The following TRHDE variants were observed in gnomAD, a reference collection of about 807,000 sequenced individuals.
TRHDE encodes the protein thyrotropin-releasing hormone-degrading ectoenzyme.
In TRHDE, 72 loss-of-function variants were observed where a neutral mutation model predicts 125.7. The observed-to-expected ratio is 0.57, with a 90% CI of 0.47 to 0.70. TRHDE has a LOEUF of 0.70. Among genes scored for constraint, TRHDE ranks in the 30% least tolerant of loss-of-function variants. The pLI is 0.00. For synonymous variants in TRHDE, 509 were observed against 509.1 expected (o/e 1.00, Z 0.00); for missense variants, 1,110 against 1,327.1 (o/e 0.84, Z 2.54).
At chr12:72,198,272 A>G (rs1370447963) in intron 2 of TRHDE, among the ~76,000 whole-genome samples, 1 of 152,134 alleles carries the variant, frequency 6.6e-6, no homozygotes, top group Non-Finnish European at 1.5e-5. Flanking sequence ...ATGAACAATT[A>G]TGTACAAGTT....
intron 2 of TRHDE, among the ~76,000 whole-genome samples, chr12:72,291,705 T>G (rs995424004): frequency 1.5e-4 from 23 of 152,226 alleles, no homozygotes; most frequent in Non-Finnish European, 3.2e-4. Flanking sequence ...TACACTGTAT[T>G]GGGTATTGTA....
rs1219141256 is a variant in TRHDE at position 72,438,488 on chromosome 12, T to G, written c.1316-31270T>G. ...CCATTCTAAGAGGTATGAGATGGTATCTCATTGAGATTTTAATTTTCCTGA... is the reference window on the plus strand; with the variant it reads ...CCATTCTAAGAGGTATGAGATGGTAGCTCATTGAGATTTTAATTTTCCTGA... On this transcript the variant is annotated intron_variant, in intron 3 of 18. Transcript: ENST00000261180. 5.9e-5 allele frequency among the ~76,000 whole-genome samples: 9 copies of G among 151,998 alleles called. No homozygotes were observed. The South Asian group carries it at 1.9e-3, about 32-fold the overall frequency.
In TRHDE at chr12:72,272,600, CG is replaced by C. The variant is rs1218922706; in HGVS notation, c.-38del. 1.4e-5 allele frequency: 11 copies of C among 803,416 alleles called. No homozygotes were observed. Among genetic ancestry groups the C allele is most frequent in the Admixed American group, 3.1e-5 (1 of 32,342 alleles). 49.8% of individuals were successfully genotyped at this position (803,416 alleles called of 1,614,324 possible). ...GGCTGTGGCCCGGGTGGCCCGCCCG[CG>C]GGGGGTGCCAGAGGGGGCGGGGGAG... On this transcript the variant is annotated 5_prime_UTR_variant, in exon 1 of 19. Transcript: ENST00000261180. This position sits in a 1 kb window ranked among gnomAD's most constrained non-coding sequence, Gnocchi z 6.7.
intron 12 of TRHDE, among the ~76,000 whole-genome samples, chr12:72,606,540 C>T (rs1246957451): frequency 6.6e-6 from 1 of 152,106 alleles, no homozygotes; most frequent in East Asian, 1.9e-4. Flanking sequence ...AATACTGTTT[C>T]CCCCATTTTA....
chr12:72,624,030 CT>C (rs1235616845), intron 15 of TRHDE, among the ~76,000 whole-genome samples: 1 of 151,964 alleles, frequency 6.6e-6, no homozygotes, highest in Non-Finnish European at 1.5e-5. Flanking sequence ...GAAATTAACT[CT>C]GTTTACTAAG....
intron 5 of TRHDE, among the ~76,000 whole-genome samples, chr12:72,487,475 G>A (rs1283374220): frequency 3.3e-5 from 5 of 151,860 alleles, no homozygotes; most frequent in African/African-American, 7.3e-5. Context: ...AGGAAAGAAC[G>A]GGATGATATT....
intron 2 of TRHDE, among the ~76,000 whole-genome samples, chr12:72,176,212 C>T (rs571203540): frequency 6.6e-6 from 1 of 152,252 alleles, no homozygotes; most frequent in East Asian, 1.9e-4. Context: ...AGAGGCCAAA[C>T]TCCCCCAAAT....
At chr12:72,340,457 T>C (rs1301545323) in intron 2 of TRHDE, among the ~76,000 whole-genome samples, 1 of 152,174 alleles carries the variant, frequency 6.6e-6, no homozygotes, top group Non-Finnish European at 1.5e-5. Context: ...CAGATTAGAT[T>C]TAGCTGCATA....
intron 5 of TRHDE, among the ~76,000 whole-genome samples, chr12:72,477,228 A>C (rs879351458): frequency 6.6e-6 from 1 of 152,192 alleles, no homozygotes; most frequent in Non-Finnish European, 1.5e-5. Flanking sequence ...TGAAAGCTCT[A>C]TTAGAAAAGT....
At chr12:72,429,236 C>G (rs1217779804) in intron 3 of TRHDE, among the ~76,000 whole-genome samples, 2 of 151,698 alleles carry the variant, frequency 1.3e-5, no homozygotes, top group East Asian at 1.9e-4. Context: ...GAAGAAATAC[C>G]TAATGTAGCT....
At chr12:72,161,605 A>G (rs1021423167) in intron 2 of TRHDE, among the ~76,000 whole-genome samples, 1 of 152,170 alleles carries the variant, frequency 6.6e-6, no homozygotes, top group African/African-American at 2.4e-5. Context: ...ATGCTCCAAC[A>G]TAAGAGCTTT....
chr12:72,627,407 T>C (rs1332992868), intron 15 of TRHDE, among the ~76,000 whole-genome samples: 1 of 151,906 alleles, frequency 6.6e-6, no homozygotes, highest in Non-Finnish European at 1.5e-5. Flanking sequence ...CAGTTCATTG[T>C]GAATTTTTGC....
chr12:72,104,246 C>T (rs935004018), intron 1 of TRHDE, among the ~76,000 whole-genome samples: 2 of 152,116 alleles, frequency 1.3e-5, no homozygotes, highest in African/African-American at 2.4e-5. Context: ...ATTTATTAAA[C>T]GCCTTAAAAA....
intron 12 of TRHDE, among the ~76,000 whole-genome samples, chr12:72,608,143 A>T (rs1872520430): frequency 6.6e-6 from 1 of 152,114 alleles, no homozygotes; most frequent in African/African-American, 2.4e-5. Flanking sequence ...TTCAGGCCCA[A>T]AATTCAGCCC....
At chr12:72,153,064 C>T (rs906832867) in intron 2 of TRHDE, among the ~76,000 whole-genome samples, 2 of 152,168 alleles carry the variant, frequency 1.3e-5, no homozygotes, top group Admixed American at 1.3e-4. Context: ...ATTATTGCCT[C>T]AATTTCAGCT....
chr12:72,410,029 G>A (rs1873427992), intron 3 of TRHDE, among the ~76,000 whole-genome samples: 1 of 151,858 alleles, frequency 6.6e-6, no homozygotes, highest in African/African-American at 2.4e-5. Flanking sequence ...ACAAATATCT[G>A]TTGAGAATAA....
chr12:72,133,363 G>A (rs907631740), intron 2 of TRHDE, among the ~76,000 whole-genome samples: 2 of 152,134 alleles, frequency 1.3e-5, no homozygotes, highest in Admixed American at 1.3e-4. Flanking sequence ...TTTGAAAGTG[G>A]TGGGTAATAC....
At chr12:72,379,919 G>T (rs1872068332) in intron 3 of TRHDE, among the ~76,000 whole-genome samples, 1 of 152,036 alleles carries the variant, frequency 6.6e-6, no homozygotes, top group Non-Finnish European at 1.5e-5. Context: ...TATATCTACA[G>T]ATATTTAGAC....
At chr12:72,092,086 C>A (rs1874805038) in intron 1 of TRHDE, among the ~76,000 whole-genome samples, 1 of 152,214 alleles carries the variant, frequency 6.6e-6, no homozygotes, top group South Asian at 2.1e-4. Flanking sequence ...ATGGTCTCAA[C>A]TAGCAGCAGT....
Sources: allele counts gnomAD v4.1 joint callset (sites outside exome capture counted in the v4.1 genomes callset), GRCh38; gene constraint gnomAD v4.1.1; non-coding constraint Gnocchi (gnomAD v3.1); transcripts MANE v1.5; gene names NCBI Gene and HGNC (gene_info 2026-07-23, HGNC 2026-07-21).